The following PCDH19 variants were observed in gnomAD, a reference collection of about 807,000 sequenced individuals.
PCDH19 encodes protocadherin-19.
PCDH19 carries 6 observed loss-of-function variants against 46.2 expected under a neutral mutation model. The observed-to-expected ratio is 0.13, with a 90% confidence interval of 0.07 to 0.26. The LOEUF is 0.26. PCDH19 is among the 10% of genes least tolerant of loss of function. The probability of loss-of-function intolerance (pLI) is 1.00; values close to 1 mark genes in which losing one functional copy is unlikely to be tolerated. For synonymous variants in PCDH19, 481 were observed against 415.7 expected (o/e 1.16, Z -1.91); for missense variants, 740 against 972.3 (o/e 0.76, Z 3.18).
chrX:100,317,401 A>C (rs1925342237), intron 5 of PCDH19, among the ~76,000 whole-genome samples: 1 of 111,608 alleles, frequency 9.0e-6, no homozygotes, highest in Non-Finnish European at 1.9e-5. Flanking sequence ...TTGGGGTAAC[A>C]GCTGCTGGGA....
At position 100,409,580 on chromosome X, in the gene PCDH19, C is replaced by A. The variant is rs746932629; in HGVS notation, c.-983G>T. On this transcript the variant is annotated 5_prime_UTR_variant, in exon 1 of 6. Coordinates refer to ENST00000373034, the MANE Select transcript of PCDH19 (RefSeq NM_001184880.2). ...TCAAAGCCCCGGTCTTTCTAATGGC[C>A]GGGGGTGGCGGGGAATGGGGAAGAG... The A allele has an allele frequency of 8.0e-6, 1 of 124,902 alleles. No individual in the cohort carries two copies. The highest frequency in any genetic ancestry group is 3.2e-5 in the African/African-American group (1 of 30,982). The allele number at this position is 124,902 out of a possible 1,213,427, so 10.3% of individuals were successfully genotyped here. A position where few individuals can be genotyped will look rare whatever the true frequency, so the allele number is the denominator to read the frequency against.
intron 3 of PCDH19, among the ~76,000 whole-genome samples, chrX:100,382,733 T>A (rs1445397117): frequency 9.0e-6 from 1 of 111,559 alleles, no homozygotes; most frequent in African/African-American, 3.3e-5. Flanking sequence ...TAAATTGATA[T>A]CCACTGACTC....
rs368963363 is a variant in PCDH19, at chrX:100,407,710, G to A, written c.888C>T (p.Gly296=). The A allele has an allele frequency of 2.3e-4, 278 of 1,211,236 alleles. 1 individual carries two copies. The South Asian group carries it at 3.4e-3, about 15-fold the overall frequency. Residue 296 remains glycine, a synonymous_variant, in exon 1 of 6, where the codon GGC becomes GGT. Coordinates refer to ENST00000373034, the MANE Select transcript of PCDH19 (RefSeq NM_001184880.2). ...RELFQIDPHS[G]LVTVTGALDY... is the part of the protein sequence containing the mutation. Reference sequence around the variant, plus strand: ...CTAAAGCGCCAGTGACAGTGACCAGGCCACTGTGCGGGTCGATCTGAAAGA... The same window carrying A: ...CTAAAGCGCCAGTGACAGTGACCAGACCACTGTGCGGGTCGATCTGAAAGA...
chrX:100,352,969 G>A (rs906663827), intron 3 of PCDH19, among the ~76,000 whole-genome samples: 5 of 112,223 alleles, frequency 4.5e-5, no homozygotes, highest in Non-Finnish European at 7.5e-5. Flanking sequence ...TTCACTCTGC[G>A]ATCTTGGGCA....
At chrX:100,348,956 G>T (rs5920821) in intron 4 of PCDH19, among the ~76,000 whole-genome samples, 1 of 93,362 alleles carries the variant, frequency 1.1e-5, no homozygotes, top group Non-Finnish European at 2.1e-5. Context: ...GGTGGGGGGT[G>T]GGGGGGAGGG....
chrX:100,365,129 T>C (rs990900532), intron 3 of PCDH19, among the ~76,000 whole-genome samples: 1 of 96,103 alleles, frequency 1.0e-5, no homozygotes, highest in Non-Finnish European at 2.1e-5. Flanking sequence ...AATATAGCAA[T>C]TGTTTTTTTT....
In PCDH19 at chrX:100,341,912, G is replaced by A; in HGVS notation, c.2839C>T (p.Pro947Ser). 8.3e-7 allele frequency: 1 copy of A among 1,209,515 alleles called. No individual in the cohort carries two copies. Among genetic ancestry groups the A allele is most frequent in the African/African-American group, 1.7e-5 (1 of 57,733 alleles). Reference sequence around the variant, plus strand: ...TCCAACCAGTCCTTACCATGATCAGGCATCTGAGATCCCATGGAGGTCACA... The same window carrying A: ...TCCAACCAGTCCTTACCATGATCAGACATCTGAGATCCCATGGAGGTCACA... ...TSVTSMGSQM[P>S]DHDQNEGFHC... The change falls in exon 5 of 6, where the codon CCT (proline) becomes TCT (serine). Residue 947 changes from proline (P) to serine (S), a missense_variant. Pro to Ser is a moderately conservative substitution (Grantham distance 74). Coordinates refer to ENST00000373034, the MANE Select transcript of PCDH19 (RefSeq NM_001184880.2).
At chrX:100,402,423 C>T (rs1928210042) in intron 3 of PCDH19, 101 bp downstream of exon 3, 1 of 723,842 alleles carries the variant, frequency 1.4e-6, no homozygotes, top group Non-Finnish European at 2.1e-6. Context: ...TTCTCCCCAC[C>T]CCTGCCAGGG....
chrX:100,395,941 C>T (rs1296492969), intron 3 of PCDH19, among the ~76,000 whole-genome samples: 1 of 112,461 alleles, frequency 8.9e-6, no homozygotes, highest in African/African-American at 3.2e-5. Flanking sequence ...CTCAATTGTT[C>T]GAAGTAAATG....
intron 3 of PCDH19, among the ~76,000 whole-genome samples, chrX:100,369,899 G>A (rs923802901): frequency 1.8e-5 from 2 of 111,775 alleles, no homozygotes; most frequent in Non-Finnish European, 3.8e-5. Flanking sequence ...CCTCCTTAAT[G>A]AGGCCTAAGA....
chrX:100,359,442 G>A lies in PCDH19; in HGVS notation c.2617-8738C>T, dbSNP rs749224408. The stretch of plus-strand genomic sequence containing the variant: ...AGCCACTTTGTTCCCTGAAACCTTG[G>A]TGACCATTTTGGTTGCCCTTTAGAG... On this transcript the variant is annotated intron_variant, in intron 3 of 5. Transcript: ENST00000373034. Among the ~76,000 whole-genome samples, 81 of 112,380 alleles carry A rather than the reference G, an allele frequency of 7.2e-4. 1 individual carries two copies. Among genetic ancestry groups the A allele is most frequent in the African/African-American group, 2.6e-3 (80 of 30,963 alleles).
intron 5 of PCDH19, among the ~76,000 whole-genome samples, chrX:100,328,471 C>G (rs1003567594): frequency 3.6e-5 from 4 of 111,439 alleles, no homozygotes; most frequent in African/African-American, 1.3e-4. Context: ...AGACTTTTCC[C>G]TCTCCCAAGA....
At chrX:100,360,862 A>G (rs1926860816) in intron 3 of PCDH19, among the ~76,000 whole-genome samples, 1 of 112,147 alleles carries the variant, frequency 8.9e-6, no homozygotes, top group Admixed American at 9.4e-5. Context: ...GACAAGCAAT[A>G]AGAAGATGAC....
chrX:100,316,472 T>C (rs974869598), intron 5 of PCDH19, among the ~76,000 whole-genome samples: 23 of 111,919 alleles, frequency 2.1e-4, no homozygotes, highest in African/African-American at 7.1e-4. Flanking sequence ...AAGAATAACC[T>C]GGAGAATCTA....
At chrX:100,318,103 A>C (rs1925366125) in intron 5 of PCDH19, among the ~76,000 whole-genome samples, 1 of 111,995 alleles carries the variant, frequency 8.9e-6, no homozygotes. Flanking sequence ...TGAGGTGTAC[A>C]TGTGAAAAAG....
At chrX:100,311,766 T>G (rs1342067886) in intron 5 of PCDH19, among the ~76,000 whole-genome samples, 7 of 110,481 alleles carry the variant, frequency 6.3e-5, no homozygotes, top group Non-Finnish European at 1.1e-4. Flanking sequence ...ATATATTAAT[T>G]AATATATATT....
chrX:100,375,168 C>T (rs188372446), intron 3 of PCDH19, among the ~76,000 whole-genome samples: 11 of 111,488 alleles, frequency 9.9e-5, no homozygotes, highest in African/African-American at 1.6e-4. Flanking sequence ...ATGTGCACAA[C>T]GTGCAGGTTA....
chrX:100,363,731 TATATATATAAATAA>T lies in PCDH19; in HGVS notation c.2617-13041_2617-13028del, dbSNP rs767437510. 2.7e-3 allele frequency among the ~76,000 whole-genome samples: 240 copies of T among 88,144 alleles called. 2 individuals are homozygous for T. In the South Asian group the frequency reaches 0.037, roughly 14 times the overall value. The allele number at this position is 88,144 out of a possible 115,157, so 76.5% of individuals were successfully genotyped here. On this transcript the variant is annotated intron_variant, in intron 3 of 5. Coordinates refer to ENST00000373034, the MANE Select transcript of PCDH19 (RefSeq NM_001184880.2). ...TATTTTATATATAATATATTTATTT[TATATATATAAATAA>T]TATATATATAAAATAAATATATTAT...
chrX:100,359,270 T>G (rs1275955979), intron 3 of PCDH19, among the ~76,000 whole-genome samples: 1 of 111,716 alleles, frequency 9.0e-6, no homozygotes, highest in Non-Finnish European at 1.9e-5. Context: ...TTTCTCTGAG[T>G]GATTTCCTTG....
Sources: gnomAD v4.1 joint callset for allele counts (sites outside exome capture counted in the v4.1 genomes callset) on GRCh38, gnomAD v4.1.1 for gene constraint, MANE v1.5 for transcripts, NCBI Gene and HGNC (gene_info 2026-07-23, HGNC 2026-07-21) for gene names.